MCU: variants seen among roughly 807,000 people sequenced by gnomAD.
MCU encodes the protein calcium uniporter protein, mitochondrial.
Under a neutral mutation model 45.2 loss-of-function variants are expected in MCU, and 12 were observed. The observed-to-expected ratio is 0.27, with a 90% CI of 0.17 to 0.43. MCU has a LOEUF of 0.43. Among genes scored for constraint, MCU ranks in the 20% least tolerant of loss-of-function variants. MCU has a pLI of 1.00. For missense variants in MCU, 324 were observed against 436.7 expected, an observed-to-expected ratio of 0.74 and a Z score of 2.30; for synonymous variants, 160 against 165.1, an observed-to-expected ratio of 0.97 and a Z score of 0.24.
intron 1 of MCU, among the ~76,000 whole-genome samples, chr10:72,829,512 G>A (rs1371531016): frequency 6.6e-6 from 1 of 150,874 alleles, no homozygotes; most frequent in Non-Finnish European, 1.5e-5. Flanking sequence ...TTGCCTGAAT[G>A]TTTTTGCTGA....
In MCU at chr10:72,871,576, G is replaced by T; in HGVS notation, c.857G>T (p.Arg286Leu). Residue 286 changes from arginine to leucine, a missense_variant, in exon 6 of 8, where the codon CGC becomes CTC. Around this residue, in one of 4 missense-constraint regions of MCU, gnomAD observed 76 missense variants for 99.4 expected, o/e 0.76. Transcript: ENST00000373053. ...MAMYAYFVMT[R>L]QEYVYPEARD... Reference sequence around the variant, plus strand: ...ATGTATGCATATTTTGTAATGACACGCCAGGTAAGAATTCTCTTCAAGTAA... The same window carrying T: ...ATGTATGCATATTTTGTAATGACACTCCAGGTAAGAATTCTCTTCAAGTAA... 2 of 1,611,992 alleles carry T rather than the reference G, an allele frequency of 1.2e-6. No individual in the cohort carries two copies. The highest frequency in any genetic ancestry group is 1.7e-6 in the Non-Finnish European group (2 of 1,178,010).
At chr10:72,812,230 T>C (rs1424307633) in intron 1 of MCU, among the ~76,000 whole-genome samples, 1 of 151,846 alleles carries the variant, frequency 6.6e-6, no homozygotes, top group Non-Finnish European at 1.5e-5. Context: ...CACTGCAGCC[T>C]CCACTGCCCG....
chr10:72,792,410 G>A (rs548452031), intron 1 of MCU, among the ~76,000 whole-genome samples: 2 of 152,304 alleles, frequency 1.3e-5, no homozygotes, highest in South Asian at 2.1e-4. Context: ...TTTGGAATCA[G>A]CGGAAAAGAA....
At chr10:72,806,809 A>G (rs1031694267) in intron 1 of MCU, among the ~76,000 whole-genome samples, 2 of 152,244 alleles carry the variant, frequency 1.3e-5, no homozygotes, top group African/African-American at 4.8e-5. Context: ...GAAGGAACCA[A>G]TCATGCAAAA....
intron 1 of MCU, among the ~76,000 whole-genome samples, chr10:72,823,023 A>G (rs1844738061): frequency 1.3e-5 from 2 of 152,232 alleles, no homozygotes; most frequent in African/African-American, 2.4e-5. Context: ...TAGCTATCCA[A>G]GAAGAAGGAA....
chr10:72,871,230 T>TA (rs1317969233), intron 5 of MCU, 147 bp from the exon 6 acceptor site: 1 of 737,652 alleles, frequency 1.4e-6, no homozygotes, highest in Non-Finnish European at 2.3e-6. Flanking sequence ...AAACTGCAGA[T>TA]ACTATTTAGG....
At chr10:72,759,738 A>C (rs1370809148) in intron 1 of MCU, among the ~76,000 whole-genome samples, 4 of 152,068 alleles carry the variant, frequency 2.6e-5, no homozygotes, top group African/African-American at 9.7e-5. Flanking sequence ...GCCTGGGAGG[A>C]AGTGACAGAG....
chr10:72,878,450 A>G (rs1311457876), intron 6 of MCU, among the ~76,000 whole-genome samples: 1 of 152,034 alleles, frequency 6.6e-6, no homozygotes, highest in Non-Finnish European at 1.5e-5. Context: ...TAGACATACA[A>G]TAAAAATAAG....
intron 1 of MCU, among the ~76,000 whole-genome samples, chr10:72,801,907 A>G (rs1844348335): frequency 6.6e-6 from 1 of 151,974 alleles, no homozygotes; most frequent in Admixed American, 6.6e-5. Context: ...TCCTGAGCTC[A>G]AGCAATCCAC....
At chr10:72,839,796 A>C (rs1472707097) in intron 2 of MCU, among the ~76,000 whole-genome samples, 1 of 147,342 alleles carries the variant, frequency 6.8e-6, no homozygotes, top group East Asian at 2.0e-4. Context: ...TACTAAGAAT[A>C]CAAAAAAAAA....
intron 1 of MCU, among the ~76,000 whole-genome samples, chr10:72,713,654 G>T (rs1842921893): frequency 6.6e-6 from 1 of 152,122 alleles, no homozygotes; most frequent in East Asian, 1.9e-4. Flanking sequence ...AGGGCCTTTT[G>T]TATTTTTCTT....
rs189390640 is a variant in MCU at position 72,770,490 on chromosome 10, C to T, written c.151-63869C>T. On this transcript the variant is annotated intron_variant, in intron 1 of 7. Coordinates refer to ENST00000373053, the MANE Select transcript of MCU (RefSeq NM_138357.3). Reference sequence around the variant, plus strand: ...TCTTTTTTGTGCTATTACATTTTCTCAGTGCTATTATTATTAAATATTATA... The same window carrying T: ...TCTTTTTTGTGCTATTACATTTTCTTAGTGCTATTATTATTAAATATTATA... 8.5e-4 allele frequency among the ~76,000 whole-genome samples: 129 copies of T among 152,058 alleles called. 1 individual carries two copies. Among genetic ancestry groups the T allele is most frequent in the African/African-American group, 2.9e-3 (119 of 41,494 alleles).
intron 1 of MCU, among the ~76,000 whole-genome samples, chr10:72,821,284 A>G (rs191847084): frequency 3.3e-5 from 5 of 152,020 alleles, no homozygotes; most frequent in Non-Finnish European, 7.4e-5. Context: ...TACGAGGATC[A>G]ACATTTTCTT....
At position 72,716,178 on chromosome 10, in the gene MCU, A is replaced by G. The variant is rs550005710; in HGVS notation, c.150+23877A>G. 5.3e-5 allele frequency among the ~76,000 whole-genome samples: 8 copies of G among 152,360 alleles called. No individual in the cohort carries two copies. In the South Asian group the frequency reaches 8.3e-4, roughly 16 times the overall value. ...GTTTAGTTGTTACAACAGAGACTAT[A>G]TGGTCCATAAAGCCTAAACTATTTA... On this transcript the variant is annotated intron_variant, in intron 1 of 7. Transcript: ENST00000373053.
chr10:72,874,475 G>A (rs1232920964), intron 6 of MCU, among the ~76,000 whole-genome samples: 1 of 152,126 alleles, frequency 6.6e-6, no homozygotes, highest in African/African-American at 2.4e-5. Context: ...TATTTAATAT[G>A]GCTGCTATTG....
chr10:72,879,726 G>A (rs146847769), intron 6 of MCU, among the ~76,000 whole-genome samples: 24 of 152,248 alleles, frequency 1.6e-4, no homozygotes, highest in Non-Finnish European at 3.4e-4. Flanking sequence ...AAACTCTTAT[G>A]GAATTTAAAA....
chr10:72,779,867 G>T lies in MCU; in HGVS notation c.151-54492G>T, dbSNP rs1242454453. 2.0e-5 allele frequency among the ~76,000 whole-genome samples: 3 copies of T among 152,156 alleles called. 1 individual carries two copies. The highest frequency in any genetic ancestry group is 2.0e-4 in the Admixed American group (3 of 15,258). ...GTACAGCTACTTAGGAAAATAGTTT[G>T]TCTGCCTCTCAAAATGTTGAACATG... On this transcript the variant is annotated intron_variant, in intron 1 of 7. Coordinates refer to ENST00000373053, the MANE Select transcript of MCU (RefSeq NM_138357.3).
At chr10:72,727,629 C>T (rs1334805300) in intron 1 of MCU, among the ~76,000 whole-genome samples, 2 of 152,054 alleles carry the variant, frequency 1.3e-5, no homozygotes, top group African/African-American at 4.8e-5. Flanking sequence ...TTGAATTCTT[C>T]GTGTTGGTTC....
chr10:72,694,301 C>T (rs1221918722), intron 1 of MCU, among the ~76,000 whole-genome samples: 1 of 152,110 alleles, frequency 6.6e-6, no homozygotes, highest in Non-Finnish European at 1.5e-5. Context: ...ACAAGAAATT[C>T]CATTTAAAAG....
Sources: gnomAD v4.1 joint callset for allele counts (sites outside exome capture counted in the v4.1 genomes callset) on GRCh38, gnomAD v4.1.1 for gene constraint, gnomAD v4.1.1 regional missense constraint, MANE v1.5 for transcripts, NCBI Gene and HGNC (gene_info 2026-07-23, HGNC 2026-07-21) for gene names.